Variants in VPS8 observed in about 807,000 individuals in gnomAD.
VPS8 encodes VPS8 subunit of CORVET complex.
VPS8 carries 129 observed loss-of-function variants against 216.4 expected under a neutral mutation model. The ratio of observed to expected loss-of-function variants is 0.60; its 90% CI spans 0.52 to 0.69. VPS8 has a LOEUF of 0.69. Ranked by LOEUF, VPS8 falls within the 30% of genes least tolerant of loss-of-function variation. The pLI is 0.00. For missense variants in VPS8, 1,531 were observed against 1,683.5 expected, an observed-to-expected ratio of 0.91 and a Z score of 1.59; for synonymous variants, 571 against 565.4, an observed-to-expected ratio of 1.01 and a Z score of -0.14.
intron 14 of VPS8, among the ~76,000 whole-genome samples, chr3:184,859,514 A>G (rs1227330986): frequency 2.0e-5 from 3 of 152,210 alleles, no homozygotes; most frequent in African/African-American, 7.2e-5. Context: ...TTTGAGATCC[A>G]TGCATAGTTT....
At chr3:185,013,889 A>G (rs966891357) in intron 45 of VPS8, among the ~76,000 whole-genome samples, 1 of 152,224 alleles carries the variant, frequency 6.6e-6, no homozygotes, top group Non-Finnish European at 1.5e-5. Flanking sequence ...TTCCATGGGA[A>G]TCGTTGTGCA....
intron 21 of VPS8, among the ~76,000 whole-genome samples, chr3:184,873,941 G>C (rs1728793268): frequency 1.3e-5 from 2 of 152,132 alleles, no homozygotes; most frequent in African/African-American, 4.8e-5. Context: ...CAGGAGGACA[G>C]TTTTCTCTGG....
chr3:184,828,459 T>C (rs1719289001), intron 3 of VPS8, among the ~76,000 whole-genome samples: 1 of 152,156 alleles, frequency 6.6e-6, no homozygotes, highest in Admixed American at 6.6e-5. Flanking sequence ...AAAGTAGAAA[T>C]TTAGAGATTA....
intron 46 of VPS8, among the ~76,000 whole-genome samples, chr3:185,043,250 A>G (rs1027512226): frequency 6.6e-6 from 1 of 152,236 alleles, no homozygotes; most frequent in African/African-American, 2.4e-5. Context: ...GTATTTTAAT[A>G]TGTCTAAACT....
chr3:184,824,944 T>A, intron 2 of VPS8, 159 bp downstream of exon 2: 1 of 690,226 alleles, frequency 1.4e-6, no homozygotes, highest in Non-Finnish European at 2.4e-6. Context: ...CTCACTCTGT[T>A]GTCCAGGTTG....
chr3:184,827,718 A>G (rs1353271703), intron 3 of VPS8, among the ~76,000 whole-genome samples: 1 of 152,238 alleles, frequency 6.6e-6, no homozygotes, highest in Non-Finnish European at 1.5e-5. Flanking sequence ...AGTAACAGTA[A>G]GTATAGTCAT....
intron 8 of VPS8, among the ~76,000 whole-genome samples, chr3:184,848,779 G>A (rs1203471035): frequency 6.6e-6 from 1 of 151,938 alleles, no homozygotes; most frequent in African/African-American, 2.4e-5. Flanking sequence ...ATGTTGGCCA[G>A]CCTGGTCTCG....
chr3:184,838,811 T>G, intron 6 of VPS8, 65 bp downstream of exon 6: 1 of 1,290,578 alleles, frequency 7.7e-7, no homozygotes, highest in South Asian at 1.4e-5. Context: ...AGATTTATCA[T>G]TACATTGTTC....
At chr3:184,925,732 T>G (rs1283341905) in intron 30 of VPS8, among the ~76,000 whole-genome samples, 2 of 151,948 alleles carry the variant, frequency 1.3e-5, no homozygotes. Flanking sequence ...TAAGGTATAT[T>G]GACAACACTG....
chr3:185,036,952 C>G (rs1041353638), intron 46 of VPS8, among the ~76,000 whole-genome samples: 1 of 151,850 alleles, frequency 6.6e-6, no homozygotes, highest in Non-Finnish European at 1.5e-5. Flanking sequence ...ATAAGCCCAA[C>G]ATTTTATTAT....
At chr3:184,814,473 A>G (rs1715878420) in intron 1 of VPS8, among the ~76,000 whole-genome samples, 1 of 152,218 alleles carries the variant, frequency 6.6e-6, no homozygotes, top group African/African-American at 2.4e-5. Context: ...GTAGTCTGCT[A>G]CACACCTAGA....
chr3:185,001,296 C>G (rs1002975236), intron 45 of VPS8, among the ~76,000 whole-genome samples: 4 of 152,228 alleles, frequency 2.6e-5, no homozygotes, highest in Non-Finnish European at 5.9e-5. Context: ...AAACAAAGTA[C>G]TCAGGCTACC....
chr3:184,923,573 A>C (rs1366059933), intron 29 of VPS8, among the ~76,000 whole-genome samples: 1 of 152,186 alleles, frequency 6.6e-6, no homozygotes, highest in Non-Finnish European at 1.5e-5. Flanking sequence ...AATACTGGTC[A>C]TGATGAACTC....
intron 21 of VPS8, among the ~76,000 whole-genome samples, chr3:184,884,719 T>A (rs1270869173): frequency 6.6e-6 from 1 of 152,210 alleles, no homozygotes; most frequent in East Asian, 1.9e-4. Context: ...TTAAAAGGGT[T>A]TGAGACCTCA....
chr3:184,842,927 CTTT>C (rs59087346), intron 7 of VPS8, among the ~76,000 whole-genome samples: 1 of 144,272 alleles, frequency 6.9e-6, no homozygotes, highest in Non-Finnish European at 1.5e-5. Flanking sequence ...TAGTTTTCCT[CTTT>C]TTTTTTTTGG....
At chr3:184,821,346 C>T (rs1457104371) in intron 1 of VPS8, among the ~76,000 whole-genome samples, 7 of 144,118 alleles carry the variant, frequency 4.9e-5, no homozygotes, top group Non-Finnish European at 1.1e-4. Context: ...TTCTTCTCTA[C>T]TTTTTTTTTT....
intron 39 of VPS8, among the ~76,000 whole-genome samples, chr3:184,969,424 C>G (rs1177255685): frequency 9.2e-6 from 1 of 108,134 alleles, no homozygotes; most frequent in Non-Finnish European, 1.8e-5. Flanking sequence ...CCCCACCCCC[C>G]CCCCTTTTTT....
At chr3:184,860,106 T>C (rs1725996527) in intron 15 of VPS8, 41 bp downstream of exon 15, 7 of 1,459,448 alleles carry the variant, frequency 4.8e-6, no homozygotes, top group South Asian at 1.2e-5. Context: ...TTAGTTCATG[T>C]AATTGTTCTG....
intron 46 of VPS8, among the ~76,000 whole-genome samples, chr3:185,028,741 C>G (rs1043308062): frequency 3.3e-5 from 5 of 152,222 alleles, no homozygotes; most frequent in African/African-American, 1.2e-4. Context: ...GAATTAGTCC[C>G]TACCAATACC....
Sources: gnomAD v4.1 joint callset for allele counts (sites outside exome capture counted in the v4.1 genomes callset) on GRCh38, gnomAD v4.1.1 for gene constraint, MANE v1.5 for transcripts, NCBI Gene and HGNC (gene_info 2026-07-23, HGNC 2026-07-21) for gene names.